Variants in CNTNAP2 observed in about 807,000 individuals in gnomAD.
The protein encoded by CNTNAP2 is contactin-associated protein-like 2.
Under a neutral mutation model 155.2 loss-of-function variants are expected in CNTNAP2, and 98 were observed. That is an observed-to-expected ratio of 0.63 (90% CI 0.54 to 0.75). CNTNAP2 has a LOEUF of 0.75. CNTNAP2 is among the 30% of genes least tolerant of loss of function. CNTNAP2 has a pLI of 0.00. For synonymous variants in CNTNAP2, 651 were observed against 631.2 expected (o/e 1.03, Z -0.47); for missense variants, 1,727 against 1,688.1 (o/e 1.02, Z -0.40).
intron 10 of CNTNAP2, among the ~76,000 whole-genome samples, chr7:147,468,948 C>T (rs900702828): frequency 1.6e-4 from 24 of 151,876 alleles, no homozygotes; most frequent in African/African-American, 5.6e-4. Flanking sequence ...TCAAGCCATT[C>T]GCAAGCCTCA....
intron 8 of CNTNAP2, among the ~76,000 whole-genome samples, chr7:147,144,670 A>G (rs945057402): frequency 2.0e-5 from 3 of 152,212 alleles, no homozygotes; most frequent in Non-Finnish European, 2.9e-5. Flanking sequence ...TCTCTATAGG[A>G]ATTATTTCCA....
intron 15 of CNTNAP2, among the ~76,000 whole-genome samples, chr7:148,054,447 CTTTTTT>C (rs61157011): frequency 1.4e-5 from 1 of 73,076 alleles, no homozygotes; most frequent in Non-Finnish European, 2.4e-5. Context: ...TCTCAGTGGC[CTTTTTT>C]TTTTTTTTTT....
At chr7:146,638,053 T>C (rs1285676174) in intron 1 of CNTNAP2, among the ~76,000 whole-genome samples, 1 of 152,174 alleles carries the variant, frequency 6.6e-6, no homozygotes, top group Non-Finnish European at 1.5e-5. Context: ...TGTAGGCAGG[T>C]TCTATGACAA....
Position 148,111,958 on chromosome 7 carries a change from A to T in CNTNAP2, c.2384-6160A>T, listed in dbSNP as rs975911681. On this transcript the variant is annotated intron_variant, in intron 15 of 23. Coordinates refer to ENST00000361727, the MANE Select transcript of CNTNAP2 (RefSeq NM_014141.6). ...TGAGATCCTGAAACTTGGGGATGTAATACCAAAGTGTGGCAAAAGGAAGTC... is the reference window on the plus strand; with the variant it reads ...TGAGATCCTGAAACTTGGGGATGTATTACCAAAGTGTGGCAAAAGGAAGTC... 4.5e-4 allele frequency among the ~76,000 whole-genome samples: 68 copies of T among 152,188 alleles called. 1 individual carries two copies. Among genetic ancestry groups the T allele is most frequent in the Admixed American group, 2.7e-3 (42 of 15,284 alleles).
intron 13 of CNTNAP2, among the ~76,000 whole-genome samples, chr7:147,755,822 A>G (rs758450161): frequency 2.4e-4 from 36 of 152,146 alleles, no homozygotes; most frequent in Non-Finnish European, 4.1e-4. Flanking sequence ...ATTTTAAACA[A>G]GGAGCCTCAC....
rs936970245 is a variant in CNTNAP2 at position 148,327,338 on chromosome 7, A to G, written c.3476-56311A>G. Among the ~76,000 whole-genome samples, 2 of 152,320 alleles carry G rather than the reference A, an allele frequency of 1.3e-5. 1 individual carries two copies. Among genetic ancestry groups the G allele is most frequent in the South Asian group, 4.1e-4 (2 of 4,828 alleles). Reference sequence around the variant, plus strand: ...CAAGGACAATTATTTTAGCATTTCAAAATTCAGCTCAAGTGCTGGACGACT... The same window carrying G: ...CAAGGACAATTATTTTAGCATTTCAGAATTCAGCTCAAGTGCTGGACGACT... On this transcript the variant is annotated intron_variant, in intron 21 of 23. Coordinates refer to ENST00000361727, the MANE Select transcript of CNTNAP2 (RefSeq NM_014141.6).
intron 9 of CNTNAP2, among the ~76,000 whole-genome samples, chr7:147,330,154 A>G (rs958932937): frequency 3.9e-5 from 6 of 151,906 alleles, no homozygotes; most frequent in African/African-American, 1.5e-4. Flanking sequence ...CCACCTACCA[A>G]CCTCCTAGAA....
Position 147,383,746 on chromosome 7 carries a change from C to A in CNTNAP2, c.1499-11863C>A, listed in dbSNP as rs138354686. ...GCACATGTGTACCTATATAGCAAAC[C>A]TGCATGTTCTGCACATGTATCCCAG... On this transcript the variant is annotated intron_variant, in intron 9 of 23. Transcript: ENST00000361727. 9.9e-5 allele frequency among the ~76,000 whole-genome samples: 15 copies of A among 151,690 alleles called. No individual in the cohort carries two copies. The East Asian group carries it at 2.9e-3, about 29-fold the overall frequency.
At chr7:148,176,160 G>A (rs1794930348) in intron 18 of CNTNAP2, among the ~76,000 whole-genome samples, 1 of 151,336 alleles carries the variant, frequency 6.6e-6, no homozygotes, top group Non-Finnish European at 1.5e-5. Context: ...CACAAGAAGG[G>A]GACTTCCTCT....
chr7:148,215,681 G>A (rs998334047), intron 18 of CNTNAP2, among the ~76,000 whole-genome samples: 5 of 151,994 alleles, frequency 3.3e-5, no homozygotes, highest in African/African-American at 9.6e-5. Context: ...TATATATTCC[G>A]GGCACTAAGC....
intron 9 of CNTNAP2, among the ~76,000 whole-genome samples, chr7:147,327,540 T>A (rs1297899285): frequency 6.6e-6 from 1 of 152,166 alleles, no homozygotes; most frequent in African/African-American, 2.4e-5. Context: ...TAGATCAGAA[T>A]AAAAAAGCAA....
intron 9 of CNTNAP2, among the ~76,000 whole-genome samples, chr7:147,371,995 C>T (rs574200853): frequency 2.6e-4 from 40 of 152,128 alleles, no homozygotes; most frequent in African/African-American, 8.9e-4. Flanking sequence ...ATGACAAGTA[C>T]GGTAGCCACC....
intron 11 of CNTNAP2, among the ~76,000 whole-genome samples, chr7:147,542,774 T>A (rs114181138): frequency 4.7e-4 from 71 of 152,340 alleles, no homozygotes; most frequent in African/African-American, 1.4e-3. Flanking sequence ...TCTGAAGTTA[T>A]TTCTCTATAT....
intron 1 of CNTNAP2, among the ~76,000 whole-genome samples, chr7:146,601,329 G>C (rs188906543): frequency 9.6e-4 from 146 of 152,234 alleles, no homozygotes; most frequent in African/African-American, 3.4e-3. Context: ...TGACTTAAAT[G>C]TGTGAAGAAT....
At chr7:147,935,864 C>A (rs903456118) in intron 14 of CNTNAP2, among the ~76,000 whole-genome samples, 10 of 152,224 alleles carry the variant, frequency 6.6e-5, no homozygotes, top group African/African-American at 2.4e-4. Flanking sequence ...TTCCTCAGTG[C>A]AAATATGTTT....
chr7:148,247,639 A>ATTTTT (rs1796292743), intron 20 of CNTNAP2, among the ~76,000 whole-genome samples: 1 of 128,384 alleles, frequency 7.8e-6, no homozygotes, highest in African/African-American at 3.2e-5. Context: ...TTATTTATTT[A>ATTTTT]TTTATTTATT....
At chr7:146,235,139 A>G (rs895906842) in intron 1 of CNTNAP2, among the ~76,000 whole-genome samples, 2 of 152,168 alleles carry the variant, frequency 1.3e-5, no homozygotes, top group African/African-American at 4.8e-5. Flanking sequence ...ATACATCTTA[A>G]GATATCAGAG....
At chr7:147,186,397 C>G (rs957372306) in intron 8 of CNTNAP2, among the ~76,000 whole-genome samples, 1 of 152,086 alleles carries the variant, frequency 6.6e-6, no homozygotes, top group Non-Finnish European at 1.5e-5. Flanking sequence ...TTGAAGCAAA[C>G]TTTTGAGGCA....
At chr7:146,398,658 G>GGCTAAACT (rs1166979598) in intron 1 of CNTNAP2, among the ~76,000 whole-genome samples, 2 of 152,134 alleles carry the variant, frequency 1.3e-5, no homozygotes, top group African/African-American at 4.8e-5. Context: ...TCTGGAGTAA[G>GGCTAAACT]GCTAAACTGG....
Sources: gnomAD v4.1 joint callset for allele counts (sites outside exome capture counted in the v4.1 genomes callset) on GRCh38, gnomAD v4.1.1 for gene constraint, MANE v1.5 for transcripts, NCBI Gene and HGNC (gene_info 2026-07-23, HGNC 2026-07-21) for gene names.